The following TMEM232 variants were observed in gnomAD, a reference collection of about 807,000 sequenced individuals.
The protein encoded by TMEM232 is transmembrane protein 232.
Under a neutral mutation model 78.8 loss-of-function variants are expected in TMEM232, and 80 were observed. The observed-to-expected ratio is 1.01, with a 90% CI of 0.85 to 1.22. The LOEUF (loss-of-function observed/expected upper bound fraction) is 1.22, where lower values mean the gene tolerates loss of function less well. TMEM232 is among the 50% of genes most tolerant of loss of function. The pLI is 0.00. For missense variants in TMEM232, 881 were observed against 742.2 expected (o/e 1.19, Z -2.17); for synonymous variants, 297 against 254.3 (o/e 1.17, Z -1.60).
intron 6 of TMEM232, among the ~76,000 whole-genome samples, chr5:110,626,185 G>GA (rs1784402013): frequency 1.3e-5 from 2 of 151,412 alleles, no homozygotes; most frequent in African/African-American, 4.8e-5. Context: ...GTGAAAGAAA[G>GA]ATTTTTTTTT....
intron 12 of TMEM232, among the ~76,000 whole-genome samples, chr5:110,483,879 A>G (rs1336415927): frequency 2.0e-5 from 3 of 152,222 alleles, no homozygotes; most frequent in African/African-American, 7.2e-5. Context: ...TTATAGCACT[A>G]TTCACAATAG....
intron 10 of TMEM232, among the ~76,000 whole-genome samples, chr5:110,576,833 T>A (rs567027957): frequency 2.6e-5 from 4 of 152,144 alleles, no homozygotes; most frequent in South Asian, 4.2e-4. Flanking sequence ...GCTAGCCACA[T>A]GCAGGAGATT....
chr5:110,625,161 A>T lies in TMEM232; in HGVS notation c.768+106T>A, dbSNP rs576447404. On this transcript the variant is annotated intron_variant, in intron 7 of 13. Transcript: ENST00000455884. ...TCACCCCTCCTCCACAGCTAAACTC[A>T]TCATTCCTCAATGTCTACTGTATTG... is the stretch of plus-strand genomic sequence containing the variant. 8.2e-6 allele frequency: 10 copies of T among 1,221,186 alleles called. No individual in the cohort carries two copies. The East Asian group carries it at 1.4e-4, about 17-fold the overall frequency. 75.6% of individuals were successfully genotyped at this position (1,221,186 alleles called of 1,614,324 possible).
At chr5:110,626,215 A>G (rs1580410196) in intron 6 of TMEM232, among the ~76,000 whole-genome samples, 1 of 152,142 alleles carries the variant, frequency 6.6e-6, no homozygotes, top group Admixed American at 6.6e-5. Flanking sequence ...TATATCCTCA[A>G]TAACAATCTA....
intron 2 of TMEM232, among the ~76,000 whole-genome samples, chr5:110,656,884 T>C (rs1434212814): frequency 1.3e-5 from 2 of 151,908 alleles, no homozygotes; most frequent in Non-Finnish European, 2.9e-5. Context: ...AGAGTTAATA[T>C]TTTAAAAGTC....
chr5:110,682,618 A>C (rs1462403297), intron 1 of TMEM232, among the ~76,000 whole-genome samples: 1 of 152,164 alleles, frequency 6.6e-6, no homozygotes, highest in Non-Finnish European at 1.5e-5. Context: ...TTCAGGCTTT[A>C]ATTATATCAG....
chr5:110,738,941 T>A, upstream of TMEM232: 1 of 1,430,574 alleles, frequency 7.0e-7, no homozygotes, highest in South Asian at 1.5e-5. Context: ...CTTTAATGGT[T>A]GCCGGAAGAG....
At chr5:110,723,015 G>T (rs1797803299) in intron 1 of TMEM232, among the ~76,000 whole-genome samples, 1 of 152,094 alleles carries the variant, frequency 6.6e-6, no homozygotes, top group Non-Finnish European at 1.5e-5. Flanking sequence ...GGGTAATGCT[G>T]GCCTGAAAGA....
At chr5:110,614,188 C>T (rs929762432) in intron 8 of TMEM232, among the ~76,000 whole-genome samples, 4 of 151,944 alleles carry the variant, frequency 2.6e-5, no homozygotes, top group African/African-American at 9.7e-5. Flanking sequence ...CACTGCTATC[C>T]CCTTCTTCAC....
chr5:110,525,569 C>T (rs547035970), intron 12 of TMEM232, among the ~76,000 whole-genome samples: 5 of 151,714 alleles, frequency 3.3e-5, no homozygotes, highest in Admixed American at 2.0e-4. Context: ...AAATACATGC[C>T]ATATTGTTAG....
chr5:110,684,053 A>G (rs1269596307), intron 1 of TMEM232, among the ~76,000 whole-genome samples: 1 of 151,984 alleles, frequency 6.6e-6, no homozygotes, highest in African/African-American at 2.4e-5. Flanking sequence ...CAAGCTAAGA[A>G]CAGTTCTCCT....
chr5:110,573,559 C>T (rs1389609729), intron 10 of TMEM232, among the ~76,000 whole-genome samples: 2 of 152,070 alleles, frequency 1.3e-5, no homozygotes, highest in African/African-American at 4.8e-5. Context: ...AACTGCTTCT[C>T]TTGGTATACT....
chr5:110,674,079 T>A (rs1482515038), intron 1 of TMEM232, among the ~76,000 whole-genome samples: 3 of 151,876 alleles, frequency 2.0e-5, no homozygotes, highest in Admixed American at 6.6e-5. Flanking sequence ...AATGTAAGCA[T>A]TTAATTTTTA....
intron 1 of TMEM232, among the ~76,000 whole-genome samples, chr5:110,702,400 G>C (rs1241217281): frequency 6.6e-6 from 1 of 151,908 alleles, no homozygotes; most frequent in Non-Finnish European, 1.5e-5. Flanking sequence ...GCTCCTTAAG[G>C]CCACTCAGGA....
chr5:110,434,079 TAAATG>T (rs1226456826), intron 12 of TMEM232, among the ~76,000 whole-genome samples: 1 of 147,556 alleles, frequency 6.8e-6, no homozygotes. Flanking sequence ...GAAAATAAAA[TAAATG>T]AAAGCACAAG....
chr5:110,622,525 C>G (rs1783878826), intron 7 of TMEM232, among the ~76,000 whole-genome samples: 1 of 152,086 alleles, frequency 6.6e-6, no homozygotes, highest in South Asian at 2.1e-4. Flanking sequence ...ATGAACTCAT[C>G]ATTTTTTATG....
At position 110,637,685 on chromosome 5, in the gene TMEM232, A is replaced by G. The variant is rs1786057880; in HGVS notation, c.501+513T>C. 3.3e-5 allele frequency among the ~76,000 whole-genome samples: 5 copies of G among 152,132 alleles called. No individual in the cohort carries two copies. In the South Asian group the frequency reaches 1.0e-3, roughly 32 times the overall value. ...ATTTGTTTGACTAATAATATATTTT[A>G]CAGCAGTCAACCATGATCATCACTG... On this transcript the variant is annotated intron_variant, in intron 5 of 13. Coordinates refer to ENST00000455884, the MANE Select transcript of TMEM232 (RefSeq NM_001039763.4).
chr5:110,510,485 T>C (rs1198093711), intron 12 of TMEM232, among the ~76,000 whole-genome samples: 1 of 152,174 alleles, frequency 6.6e-6, no homozygotes, highest in African/African-American at 2.4e-5. Context: ...AGTTTATTCA[T>C]CTCCTTTCCA....
chr5:110,439,675 GTA>G (rs913174318), intron 12 of TMEM232, among the ~76,000 whole-genome samples: 6 of 152,006 alleles, frequency 3.9e-5, no homozygotes, highest in Non-Finnish European at 8.8e-5. Flanking sequence ...CTTTCAGATT[GTA>G]TAGAGACTGG....
Sources: gnomAD v4.1 joint callset for allele counts (sites outside exome capture counted in the v4.1 genomes callset) on GRCh38, gnomAD v4.1.1 for gene constraint, MANE v1.5 for transcripts, NCBI Gene and HGNC (gene_info 2026-07-23, HGNC 2026-07-21) for gene names.